Variants in RELN observed in about 807,000 individuals in gnomAD.
RELN encodes reelin.
A neutral mutation model predicts 427.6 loss-of-function variants in RELN; 108 were observed. The observed-to-expected ratio is 0.25, with a 90% confidence interval of 0.22 to 0.30. The LOEUF (loss-of-function observed/expected upper bound fraction) is 0.30, where lower values mean the gene tolerates loss of function less well. Among genes scored for constraint, RELN ranks in the 10% least tolerant of loss-of-function variants. The pLI is 1.00. For synonymous variants in RELN, 1,524 were observed against 1,513.4 expected, an observed-to-expected ratio of 1.01 and a Z score of -0.16; for missense variants, 3,715 against 4,302.8, an observed-to-expected ratio of 0.86 and a Z score of 3.82.
intron 58 of RELN, 48 bp from the exon 59 acceptor site, chr7:103,490,877 T>A: frequency 6.3e-7 from 1 of 1,581,322 alleles, no homozygotes; most frequent in Non-Finnish European, 8.7e-7. Context: ...GAGAAACATA[T>A]AATCTGTTAA....
intron 2 of RELN, among the ~76,000 whole-genome samples, chr7:103,872,030 A>ATTTTTTTTTTTTTTTTTTTTTTTT (rs1554434458): frequency 7.2e-6 from 1 of 138,442 alleles, no homozygotes; most frequent in Non-Finnish European, 1.6e-5. Flanking sequence ...ATATATATAT[A>ATTTTTTTTTTTTTTTTTTTTTTTT]TTTTTCTTTT....
intron 3 of RELN, among the ~76,000 whole-genome samples, chr7:103,802,546 T>G (rs1340085916): frequency 6.6e-6 from 1 of 152,126 alleles, no homozygotes; most frequent in African/African-American, 2.4e-5. Context: ...AACATAAAAG[T>G]GCTGTAGAAG....
Position 103,483,784 on chromosome 7 carries a change from A to G in RELN, c.10050T>C (p.Ser3350=), listed in dbSNP as rs771355492. ...SQTDSCNSDL[S]GPHAVDKAVL... is the part of the protein sequence containing the mutation. ...CTGCCTTGTCCACAGCGTGGGGGCCACTCAGGTCACTGTTGCAGCTGTCCG... is the reference window on the plus strand; with the variant it reads ...CTGCCTTGTCCACAGCGTGGGGGCCGCTCAGGTCACTGTTGCAGCTGTCCG... The change falls in exon 62 of 65, where the codon AGT becomes AGC. Residue 3350 remains serine (S), a synonymous_variant. Coordinates refer to ENST00000428762, the MANE Select transcript of RELN (RefSeq NM_005045.4). 4 of 1,614,070 alleles carry G rather than the reference A, an allele frequency of 2.5e-6. No individual in the cohort carries two copies. The highest frequency in any genetic ancestry group is 3.4e-6 in the Non-Finnish European group (4 of 1,179,906).
At chr7:103,631,509 G>A (rs1212982373) in intron 19 of RELN, among the ~76,000 whole-genome samples, 5 of 152,018 alleles carry the variant, frequency 3.3e-5, no homozygotes. Flanking sequence ...AGCCAGGATG[G>A]TCTCAATCTC....
intron 1 of RELN, among the ~76,000 whole-genome samples, chr7:103,959,596 G>A (rs1361218946): frequency 6.6e-6 from 1 of 150,562 alleles, no homozygotes; most frequent in Admixed American, 6.6e-5. Context: ...AAGCCAACCT[G>A]ACTCCTCTCT....
intron 2 of RELN, among the ~76,000 whole-genome samples, chr7:103,866,424 C>T (rs1436710687): frequency 6.6e-6 from 1 of 152,026 alleles, no homozygotes; most frequent in Non-Finnish European, 1.5e-5. Context: ...GCTGGCTTCT[C>T]TTTAGGGATG....
chr7:103,881,984 G>C (rs1374792132), intron 2 of RELN, among the ~76,000 whole-genome samples: 7 of 152,078 alleles, frequency 4.6e-5, no homozygotes, highest in African/African-American at 7.2e-5. Flanking sequence ...ATGAATGAAT[G>C]AATCAATCAA....
chr7:103,536,798 T>A (rs4140931), intron 45 of RELN, among the ~76,000 whole-genome samples: 70 of 152,294 alleles, frequency 4.6e-4, no homozygotes, highest in African/African-American at 1.7e-3. Flanking sequence ...AAGTACACTC[T>A]TGATTCAGTG....
At chr7:103,718,733 C>G (rs1220363228) in intron 8 of RELN, among the ~76,000 whole-genome samples, 2 of 152,164 alleles carry the variant, frequency 1.3e-5, no homozygotes, top group South Asian at 4.2e-4. Context: ...TTATGAGTCC[C>G]TGGGCTAGTG....
chr7:103,820,414 C>A (rs1792985257), intron 3 of RELN, among the ~76,000 whole-genome samples: 1 of 151,830 alleles, frequency 6.6e-6, no homozygotes, highest in Admixed American at 6.6e-5. Flanking sequence ...AAATTAATTC[C>A]CATGGTTACT....
chr7:103,979,872 A>G (rs1016948748), intron 1 of RELN, among the ~76,000 whole-genome samples: 5 of 152,178 alleles, frequency 3.3e-5, no homozygotes, highest in Admixed American at 2.0e-4. Context: ...CATTACTTAA[A>G]ATTTTTTGGC....
chr7:103,721,972 C>A (rs746418176), intron 8 of RELN, among the ~76,000 whole-genome samples: 1 of 152,124 alleles, frequency 6.6e-6, no homozygotes, highest in African/African-American at 2.4e-5. Flanking sequence ...TGCTACAGAA[C>A]AGGATACACT....
At chr7:103,621,882 G>A (rs1039450608) in intron 20 of RELN, among the ~76,000 whole-genome samples, 13 of 152,128 alleles carry the variant, frequency 8.5e-5, no homozygotes, top group African/African-American at 3.1e-4. Context: ...CATGTGTGGT[G>A]GCAGGCGCCT....
chr7:103,798,034 T>C (rs956306928), intron 3 of RELN, among the ~76,000 whole-genome samples: 4 of 152,216 alleles, frequency 2.6e-5, no homozygotes, highest in Non-Finnish European at 5.9e-5. Flanking sequence ...TGGTCAGCCA[T>C]CATTTTGCTT....
Position 103,545,247 on chromosome 7 carries a change from C to T in RELN, c.6400G>A (p.Glu2134Lys), listed in dbSNP as rs969619628. The T allele has an allele frequency of 1.2e-5, 19 of 1,613,950 alleles. No homozygotes were observed. Among genetic ancestry groups the T allele is most frequent in the Non-Finnish European group, 1.5e-5 (18 of 1,179,828 alleles). The part of the protein sequence containing the change: ...DNVYIGPQCE[E>K]MCNGQGSCIN... ...CAGCTCCCCTGTCCATTACACATCT[C>T]CTCACACTGGGGACCGATGTAGACA... is the stretch of plus-strand genomic sequence containing the variant. The change falls in exon 42 of 65, where the codon GAG becomes AAG. Residue 2134 changes from glutamate to lysine, a missense_variant. By Grantham distance (56) the Glu-to-Lys change is moderately conservative. Coordinates refer to ENST00000428762, the MANE Select transcript of RELN (RefSeq NM_005045.4).
intron 1 of RELN, among the ~76,000 whole-genome samples, chr7:103,961,884 A>G (rs1796563169): frequency 6.6e-6 from 1 of 152,194 alleles, no homozygotes; most frequent in Non-Finnish European, 1.5e-5. Flanking sequence ...CAGTAGGAGT[A>G]GCTTTTAAAT....
chr7:103,711,984 C>T lies in RELN; in HGVS notation c.806-10978G>A, dbSNP rs542738600. Among the ~76,000 whole-genome samples the T allele has an allele frequency of 2.6e-5, 4 of 152,138 alleles. No individual in the cohort carries two copies. The East Asian group carries it at 7.7e-4, about 29-fold the overall frequency. On this transcript the variant is annotated intron_variant, in intron 8 of 64. Transcript: ENST00000428762. ...TGCTATTCATTTTTGACTGTGTTGT[C>T]AAAATGAAGCCTACATTGACCCTCA...
chr7:103,761,353 A>G (rs1231363536), intron 4 of RELN, among the ~76,000 whole-genome samples: 1 of 152,220 alleles, frequency 6.6e-6, no homozygotes, highest in East Asian at 1.9e-4. Context: ...GGAGATATCC[A>G]CACATTTTTC....
At chr7:103,633,835 A>G (rs1471747973) in intron 19 of RELN, among the ~76,000 whole-genome samples, 2 of 151,922 alleles carry the variant, frequency 1.3e-5, no homozygotes, top group Non-Finnish European at 2.9e-5. Context: ...CATTACCTTG[A>G]TTTTTTGTTT....
Sources: allele counts gnomAD v4.1 joint callset (sites outside exome capture counted in the v4.1 genomes callset), GRCh38; gene constraint gnomAD v4.1.1; transcripts MANE v1.5; gene names NCBI Gene and HGNC (gene_info 2026-07-23, HGNC 2026-07-21).